EEA1: variants seen among roughly 807,000 people sequenced by gnomAD.
EEA1 encodes the protein early endosome antigen 1.
A neutral mutation model predicts 209.2 loss-of-function variants in EEA1; 111 were observed. The ratio of observed to expected loss-of-function variants is 0.53; its 90% CI spans 0.45 to 0.62. The LOEUF is 0.62. EEA1 is among the 20% of genes least tolerant of loss of function. EEA1 has a pLI of 0.00. For missense variants in EEA1, 1,343 were observed against 1,530.8 expected, an observed-to-expected ratio of 0.88 and a Z score of 2.05; for synonymous variants, 536 against 540.6, an observed-to-expected ratio of 0.99 and a Z score of 0.12.
intron 20 of EEA1, among the ~76,000 whole-genome samples, chr12:92,800,623 A>G (rs1874865092): frequency 2.0e-5 from 3 of 152,238 alleles, no homozygotes; most frequent in African/African-American, 7.2e-5. Flanking sequence ...TGATAAAATA[A>G]TAACTAGCAT....
chr12:92,898,731 C>T (rs1294220746), intron 1 of EEA1, among the ~76,000 whole-genome samples: 5 of 76,094 alleles, frequency 6.6e-5, no homozygotes, highest in East Asian at 2.8e-4. Context: ...CTTTTTTTCC[C>T]TTTTTTTTTT....
At chr12:92,911,069 G>A (rs550991358) in intron 1 of EEA1, among the ~76,000 whole-genome samples, 20 of 150,776 alleles carry the variant, frequency 1.3e-4, no homozygotes, top group African/African-American at 5.0e-4. Flanking sequence ...TTGGAAGACA[G>A]TTTGGTAGTT....
rs1876701321 is a variant in EEA1, at chr12:92,832,525, C to T, written c.1241G>A (p.Ser414Asn). The change falls in exon 11 of 29, where the codon AGT (serine) becomes AAT (asparagine). Residue 414 changes from serine (S) to asparagine (N), a missense_variant. Physicochemically the swap from Ser to Asn is conservative, Grantham distance 46. Transcript: ENST00000322349. ...EKEQHGLQLQSEINQLHSKLL... is the reference protein window; with the variant it reads ...EKEQHGLQLQNEINQLHSKLL... ...AACAGCTCTTACTTGATTAATTTCACTTTGGAGTTGTAACCCATGCTGCTC... is the reference window on the plus strand; with the variant it reads ...AACAGCTCTTACTTGATTAATTTCATTTTGGAGTTGTAACCCATGCTGCTC... The T allele has an allele frequency of 3.1e-6, 5 of 1,607,002 alleles. No individual in the cohort carries two copies. Among genetic ancestry groups the T allele is most frequent in the Non-Finnish European group, 4.2e-6 (5 of 1,177,576 alleles).
At chr12:92,901,504 G>A (rs1166536866) in intron 1 of EEA1, among the ~76,000 whole-genome samples, 1 of 152,020 alleles carries the variant, frequency 6.6e-6, no homozygotes, top group South Asian at 2.1e-4. Flanking sequence ...CACAAGTCAG[G>A]GGTTTTTGAT....
chr12:92,848,298 C>A (rs1877464268), intron 9 of EEA1, among the ~76,000 whole-genome samples: 1 of 151,386 alleles, frequency 6.6e-6, no homozygotes, highest in Admixed American at 6.6e-5. Flanking sequence ...GAGGGAGACA[C>A]TAAATTCTTT....
intron 10 of EEA1, among the ~76,000 whole-genome samples, chr12:92,833,989 GGAATACATACATA>G (rs1288360607): frequency 1.9e-4 from 29 of 152,032 alleles, no homozygotes; most frequent in Non-Finnish European, 3.5e-4. Context: ...GAAAAATCAT[GGAATACATACATA>G]TGATACATGC....
intron 3 of EEA1, among the ~76,000 whole-genome samples, chr12:92,861,666 A>G (rs1263697303): frequency 6.6e-6 from 1 of 152,170 alleles, no homozygotes; most frequent in African/African-American, 2.4e-5. Flanking sequence ...AGATAGCTCT[A>G]TCTACCTTGA....
chr12:92,773,532 GT>G lies in EEA1; in HGVS notation c.*2478del, dbSNP rs1453095079. On this transcript the variant is annotated 3_prime_UTR_variant, in exon 29 of 29. Transcript: ENST00000322349. ...TATTAAAAAAAAGTCTGTAGGTATA[GT>G]TTATTGTACACTAACCCAGCAAGAC... 6.6e-6 allele frequency: 1 copy of G among 151,996 alleles called. No homozygotes were observed. Among genetic ancestry groups the G allele is most frequent in the East Asian group, 1.9e-4 (1 of 5,184 alleles). The allele number at this position is 151,996 out of a possible 1,614,324, so 9.4% of individuals were successfully genotyped here. A position where few individuals can be genotyped will look rare whatever the true frequency, so the allele number is the denominator to read the frequency against.
At chr12:92,817,224 T>C (rs758335240) in intron 14 of EEA1, among the ~76,000 whole-genome samples, 5 of 146,158 alleles carry the variant, frequency 3.4e-5, no homozygotes, top group African/African-American at 1.1e-4. Flanking sequence ...CTGTACTTCA[T>C]TGTGAACAGT....
At chr12:92,828,596 T>C (rs1052800933) in intron 11 of EEA1, among the ~76,000 whole-genome samples, 2 of 145,794 alleles carry the variant, frequency 1.4e-5, no homozygotes, top group Non-Finnish European at 3.0e-5. Context: ...TATATAGATA[T>C]ATATATGTGT....
intron 22 of EEA1, among the ~76,000 whole-genome samples, chr12:92,785,258 G>A (rs1874079734): frequency 1.3e-5 from 2 of 152,074 alleles, no homozygotes; most frequent in Non-Finnish European, 2.9e-5. Context: ...ACAAACTTAA[G>A]TACTTCATAA....
At chr12:92,829,582 C>T (rs1263151050) in intron 11 of EEA1, among the ~76,000 whole-genome samples, 1 of 151,758 alleles carries the variant, frequency 6.6e-6, no homozygotes, top group Non-Finnish European at 1.5e-5. Context: ...AGTTCGAGAC[C>T]AGCCTGGGCA....
Position 92,928,583 on chromosome 12 carries a change from GCA to G in EEA1, c.24+458_24+459del, listed in dbSNP as rs1330876342. Reference sequence around the variant, plus strand: ...AAGCAGGGCCGTGTGTGGCAGGTGCGCATCGTGTCAAATTGGGGGGCACGGGG... The same window carrying G: ...AAGCAGGGCCGTGTGTGGCAGGTGCGTCGTGTCAAATTGGGGGGCACGGGG... On this transcript the variant is annotated intron_variant, in intron 1 of 28. Coordinates refer to ENST00000322349, the MANE Select transcript of EEA1 (RefSeq NM_003566.4). Among the ~76,000 whole-genome samples, 896 of 152,288 alleles carry G rather than the reference GCA, an allele frequency of 5.9e-3. 8 individuals are homozygous for G. The highest frequency in any genetic ancestry group is 0.021 in the African/African-American group (856 of 41,556).
At chr12:92,791,108 G>A (rs1242114950) in intron 21 of EEA1, among the ~76,000 whole-genome samples, 4 of 152,158 alleles carry the variant, frequency 2.6e-5, no homozygotes, top group Non-Finnish European at 4.4e-5. Context: ...TGCTTTACAA[G>A]AGCTCCTGAA....
At chr12:92,838,932 C>T (rs1179004650) in intron 10 of EEA1, among the ~76,000 whole-genome samples, 1 of 151,772 alleles carries the variant, frequency 6.6e-6, no homozygotes, top group Non-Finnish European at 1.5e-5. Context: ...TATGAAACAC[C>T]ACTTTTACTA....
At chr12:92,869,161 T>C (rs1370416276) in intron 2 of EEA1, among the ~76,000 whole-genome samples, 1 of 152,204 alleles carries the variant, frequency 6.6e-6, no homozygotes, top group East Asian at 1.9e-4. Context: ...TCTATTTTTT[T>C]CTAAATGATG....
intron 2 of EEA1, chr12:92,884,140 T>C (rs1879281056): frequency 1.6e-6 from 2 of 1,225,290 alleles, no homozygotes. Flanking sequence ...TAAGAGATTA[T>C]TTTGAACAGT....
At chr12:92,853,207 TACAA>T (rs1877714640) in intron 6 of EEA1, among the ~76,000 whole-genome samples, 182 bp from the exon 7 acceptor site, 1 of 152,222 alleles carries the variant, frequency 6.6e-6, no homozygotes, top group Non-Finnish European at 1.5e-5. Flanking sequence ...AATCATAATT[TACAA>T]ACATACACTA....
chr12:92,904,816 T>G lies in EEA1; in HGVS notation c.25-13095A>C, dbSNP rs573727447. 2.2e-4 allele frequency among the ~76,000 whole-genome samples: 34 copies of G among 152,318 alleles called. No individual in the cohort carries two copies. In the South Asian group the frequency reaches 5.8e-3, roughly 26 times the overall value. On this transcript the variant is annotated intron_variant, in intron 1 of 28. Coordinates refer to ENST00000322349, the MANE Select transcript of EEA1 (RefSeq NM_003566.4). ...CCAAGCACAGGAGCTTCTGTCCCCA[T>G]GAATTTAGAGATACATCACCCTCCC...
Sources: gnomAD v4.1 joint callset for allele counts (sites outside exome capture counted in the v4.1 genomes callset) on GRCh38, gnomAD v4.1.1 for gene constraint, MANE v1.5 for transcripts, NCBI Gene and HGNC (gene_info 2026-07-23, HGNC 2026-07-21) for gene names.